MAML3: variants seen among roughly 807,000 people sequenced by gnomAD.
MAML3 encodes mastermind like transcriptional coactivator 3.
A neutral mutation model predicts 101.9 loss-of-function variants in MAML3; 27 were observed. That is an observed-to-expected ratio of 0.27 (90% CI 0.20 to 0.37). The LOEUF (loss-of-function observed/expected upper bound fraction) is 0.37. Ranked by LOEUF, MAML3 falls within the 10% of genes least tolerant of loss-of-function variation. The pLI, the probability that MAML3 is intolerant of heterozygous loss-of-function variation, is 1.00. For synonymous variants in MAML3, 501 were observed against 555.9 expected (o/e 0.90, Z 1.39); for missense variants, 1,316 against 1,444.9 (o/e 0.91, Z 1.45).
intron 2 of MAML3, among the ~76,000 whole-genome samples, chr4:139,755,587 G>A (rs1038108164): frequency 3.2e-4 from 48 of 152,142 alleles, no homozygotes; most frequent in African/African-American, 1.1e-3. Flanking sequence ...CAGCCTGGGC[G>A]ACAGAGCAAG....
intron 1 of MAML3, among the ~76,000 whole-genome samples, chr4:140,047,521 C>G (rs1727201807): frequency 6.6e-6 from 1 of 152,230 alleles, no homozygotes; most frequent in South Asian, 2.1e-4. Context: ...GTGGCTCACG[C>G]TGAGCTTCCA....
chr4:140,006,791 TA>T lies in MAML3; in HGVS notation c.469-115825del, dbSNP rs536640315. Among the ~76,000 whole-genome samples, 1,013 of 152,122 alleles carry T rather than the reference TA, an allele frequency of 6.7e-3. 13 individuals are homozygous for T. The highest frequency in any genetic ancestry group is 0.023 in the African/African-American group (960 of 41,500). ...TGATATTCTATAGTCGTCTATCAAA[TA>T]AAAATAATAAAAGCTAATAAAAAAT... On this transcript the variant is annotated intron_variant, in intron 1 of 4. Transcript: ENST00000509479.
intron 1 of MAML3, among the ~76,000 whole-genome samples, chr4:140,084,226 G>A (rs927985267): frequency 1.3e-5 from 2 of 152,154 alleles, no homozygotes; most frequent in Non-Finnish European, 2.9e-5. Context: ...TACTAGACAA[G>A]CAAAGGGCCG....
intron 1 of MAML3, among the ~76,000 whole-genome samples, chr4:140,144,711 C>T (rs1259873480): frequency 6.6e-6 from 1 of 152,114 alleles, no homozygotes; most frequent in Non-Finnish European, 1.5e-5. Flanking sequence ...CGAGTTTCAG[C>T]AAGTTCTCCA....
chr4:140,121,970 A>G (rs1000077272), intron 1 of MAML3, among the ~76,000 whole-genome samples: 1 of 151,998 alleles, frequency 6.6e-6, no homozygotes, highest in Admixed American at 6.6e-5. Context: ...CTTTCCCCCA[A>G]CTTCACTCTG....
chr4:139,725,858 G>A lies in MAML3; in HGVS notation c.2332-23C>T, dbSNP rs762667888. Reference sequence around the variant, plus strand: ...CTGCTAGAACAACAGAACACAAGAGGGGTGGAGAGGTGAGATAGGGAGCAA... The same window carrying A: ...CTGCTAGAACAACAGAACACAAGAGAGGTGGAGAGGTGAGATAGGGAGCAA... On this transcript the variant is annotated intron_variant, in intron 3 of 4. Coordinates refer to ENST00000509479, the MANE Select transcript of MAML3 (RefSeq NM_018717.5). 3.1e-6 allele frequency: 5 copies of A among 1,601,574 alleles called. No individual in the cohort carries two copies. In the African/African-American group the frequency reaches 6.7e-5, roughly 21 times the overall value.
intron 1 of MAML3, among the ~76,000 whole-genome samples, chr4:139,898,034 T>C (rs1420086291): frequency 1.3e-5 from 2 of 152,222 alleles, no homozygotes; most frequent in Non-Finnish European, 2.9e-5. Flanking sequence ...AGTTTAGACA[T>C]TACCTACTCC....
chr4:140,060,365 C>CAAAAAAAAAAAAAAAA lies in MAML3; in HGVS notation c.468+92479_468+92494dup, dbSNP rs70943471. On this transcript the variant is annotated intron_variant, in intron 1 of 4. Coordinates refer to ENST00000509479, the MANE Select transcript of MAML3 (RefSeq NM_018717.5). ...TGGGCGACAGAGTAAGACTCTGTCT[C>CAAAAAAAAAAAAAAAA]AAAAAAAAAAAAAAAAAAAAGTCAC... Among the ~76,000 whole-genome samples, 176 of 19,122 alleles carry CAAAAAAAAAAAAAAAA rather than the reference C, an allele frequency of 9.2e-3. 79 individuals carry two copies. The highest frequency in any genetic ancestry group is 0.013 in the Non-Finnish European group (144 of 10,742). 12.5% of individuals were successfully genotyped at this position (19,122 alleles called of 152,430 possible). A position where few individuals can be genotyped will look rare whatever the true frequency, so the allele number is the denominator to read the frequency against.
chr4:140,006,234 G>A (rs4585248), intron 1 of MAML3, among the ~76,000 whole-genome samples: 76,094 of 151,800 alleles, frequency 0.5, 19,582 homozygotes, highest in East Asian at 0.65. Flanking sequence ...GGGAGTGGAA[G>A]GGGGAGGGGT....
At chr4:140,033,601 G>A (rs1339730811) in intron 1 of MAML3, among the ~76,000 whole-genome samples, 1 of 152,142 alleles carries the variant, frequency 6.6e-6, no homozygotes, top group Admixed American at 6.5e-5. Flanking sequence ...ATAGCACAGT[G>A]GTTAAGAGCA....
rs1732416499 is a variant in MAML3, at chr4:139,889,483, C to CTGT, written c.1952_1953insACA (p.Pro651_Pro652insGln). 1 of 1,612,500 alleles carries CTGT rather than the reference C, an allele frequency of 6.2e-7. No homozygotes were observed. The highest frequency in any genetic ancestry group is 1.7e-5 in the Admixed American group (1 of 59,916). ...TGGGGGCCTGGAGCTGTGGAGGTGG[C>CTGT]GGCTGCTGCTGCTGCTGCTGCTGCT... is the stretch of plus-strand genomic sequence containing the variant. On this transcript the variant is annotated inframe_insertion, in exon 2 of 5. Coordinates refer to ENST00000509479, the MANE Select transcript of MAML3 (RefSeq NM_018717.5).
intron 2 of MAML3, among the ~76,000 whole-genome samples, chr4:139,784,139 T>G (rs138879117): frequency 6.6e-6 from 1 of 152,126 alleles, no homozygotes; most frequent in Non-Finnish European, 1.5e-5. Context: ...GCAAGGAAAA[T>G]GGCTAGCAAA....
At chr4:139,885,663 C>A (rs1346430743) in intron 2 of MAML3, among the ~76,000 whole-genome samples, 1 of 151,164 alleles carries the variant, frequency 6.6e-6, no homozygotes, top group Non-Finnish European at 1.5e-5. Context: ...GTGGCTCACA[C>A]CTGTAATCCC....
In MAML3 at chr4:139,790,216, CATAT is replaced by C. The variant is rs367675413; in HGVS notation, c.2080-59553_2080-59550del. 2.9e-3 allele frequency among the ~76,000 whole-genome samples: 319 copies of C among 110,230 alleles called. 8 individuals carry two copies. Among genetic ancestry groups the C allele is most frequent in the African/African-American group, 0.01 (279 of 27,028 alleles). 72.3% of individuals were successfully genotyped at this position (110,230 alleles called of 152,430 possible). A position where few individuals can be genotyped will look rare whatever the true frequency, so the allele number is the denominator to read the frequency against. Reference sequence around the variant, plus strand: ...AGATGTGTCAACTCCACCCTAGTGACATATATATATATATATATATATATATAAA... The same window carrying C: ...AGATGTGTCAACTCCACCCTAGTGACATATATATATATATATATATATAAA... On this transcript the variant is annotated intron_variant, in intron 2 of 4. Coordinates refer to ENST00000509479, the MANE Select transcript of MAML3 (RefSeq NM_018717.5).
chr4:139,792,845 C>T (rs528160657), intron 2 of MAML3, among the ~76,000 whole-genome samples: 2 of 151,674 alleles, frequency 1.3e-5, no homozygotes, highest in East Asian at 1.9e-4. Flanking sequence ...CCCGGGTTCA[C>T]GCCATTCTCC....
intron 1 of MAML3, among the ~76,000 whole-genome samples, chr4:139,989,158 T>A (rs1402364963): frequency 6.6e-6 from 1 of 152,018 alleles, no homozygotes; most frequent in Admixed American, 6.6e-5. Flanking sequence ...GAAGCAGGAA[T>A]CTTGGCCAAG....
intron 1 of MAML3, among the ~76,000 whole-genome samples, chr4:140,095,290 C>T (rs1728138226): frequency 6.6e-6 from 1 of 152,224 alleles, no homozygotes; most frequent in South Asian, 2.1e-4. Context: ...AGGCCCACCA[C>T]TGTCCATGTT....
intron 1 of MAML3, among the ~76,000 whole-genome samples, chr4:140,120,448 TATC>T (rs1351927661): frequency 5.3e-5 from 8 of 152,352 alleles, no homozygotes; most frequent in African/African-American, 1.9e-4. Context: ...CTTGATATGA[TATC>T]ATTTCTGTTT....
intron 1 of MAML3, among the ~76,000 whole-genome samples, chr4:140,022,956 C>T (rs1726755981): frequency 6.6e-6 from 1 of 152,102 alleles, no homozygotes; most frequent in Non-Finnish European, 1.5e-5. Flanking sequence ...GTAGCTTTTA[C>T]CCAAAGCATA....
Sources: allele counts gnomAD v4.1 joint callset (sites outside exome capture counted in the v4.1 genomes callset), GRCh38; gene constraint gnomAD v4.1.1; transcripts MANE v1.5; gene names NCBI Gene and HGNC (gene_info 2026-07-23, HGNC 2026-07-21).